PPP1R14C: variants seen among roughly 807,000 people sequenced by gnomAD.
The protein encoded by PPP1R14C is protein phosphatase 1 regulatory inhibitor subunit 14C.
A neutral mutation model predicts 20.4 loss-of-function variants in PPP1R14C; 16 were observed. The ratio of observed to expected loss-of-function variants is 0.78; its 90% CI spans 0.53 to 1.19. The LOEUF is 1.19. Among genes scored for constraint, PPP1R14C ranks in the 50% most tolerant of loss-of-function variants. PPP1R14C has a pLI of 0.00. For synonymous variants in PPP1R14C, 91 were observed against 91.0 expected (o/e 1.00, Z 0.00); for missense variants, 211 against 220.1 (o/e 0.96, Z 0.26).
At chr6:150,244,863 G>T (rs1417675107) in intron 3 of PPP1R14C, among the ~76,000 whole-genome samples, 1 of 151,852 alleles carries the variant, frequency 6.6e-6, no homozygotes. Flanking sequence ...TATCTCCAGG[G>T]CTCACACATA....
At chr6:150,196,829 C>T (rs949893860) in intron 1 of PPP1R14C, among the ~76,000 whole-genome samples, 1 of 152,112 alleles carries the variant, frequency 6.6e-6, no homozygotes, top group Non-Finnish European at 1.5e-5. Flanking sequence ...ACTTCATGGC[C>T]GAGTCAGAAT....
In PPP1R14C at chr6:150,249,798, G is replaced by A. The variant is rs1778542396; in HGVS notation, c.*978G>A. The A allele has an allele frequency of 2.8e-6, 1 of 362,586 alleles. No individual in the cohort carries two copies. Among genetic ancestry groups the A allele is most frequent in the South Asian group, 1.5e-4 (1 of 6,748 alleles). 22.5% of individuals were successfully genotyped at this position (362,586 alleles called of 1,614,324 possible). ...ATAGGTTCTGGTAGCTTCTGTGCCT[G>A]GGTAGTATCAGACCAGTGGGAGTAA... On this transcript the variant is annotated 3_prime_UTR_variant, in exon 4 of 4. Transcript: ENST00000361131.
intron 2 of PPP1R14C, among the ~76,000 whole-genome samples, chr6:150,216,559 CA>C (rs34550270): frequency 0.017 from 2,388 of 142,710 alleles, 58 homozygotes; most frequent in African/African-American, 0.053. Flanking sequence ...GCTATGGTAG[CA>C]AAAAAAAAAA....
intron 3 of PPP1R14C, 37 bp from the exon 4 acceptor site, chr6:150,248,709 A>G (rs781683532): frequency 2.8e-5 from 38 of 1,350,142 alleles, no homozygotes; most frequent in Non-Finnish European, 3.9e-5. Flanking sequence ...GAATTTTAAT[A>G]GTGACCCTCA....
At chr6:150,168,057 C>T (rs143124756) in intron 1 of PPP1R14C, among the ~76,000 whole-genome samples, 1 of 99,250 alleles carries the variant, frequency 1.0e-5, no homozygotes, top group African/African-American at 4.4e-5. Flanking sequence ...TCCTCTCCCC[C>T]ACTCCCCTCC....
intron 1 of PPP1R14C, among the ~76,000 whole-genome samples, chr6:150,148,853 C>T (rs1162574386): frequency 1.3e-5 from 2 of 152,102 alleles, no homozygotes; most frequent in East Asian, 3.9e-4. Flanking sequence ...CGCTTGAGGC[C>T]AGGAGTTGGA....
At chr6:150,158,263 A>G (rs1486078758) in intron 1 of PPP1R14C, among the ~76,000 whole-genome samples, 1 of 152,172 alleles carries the variant, frequency 6.6e-6, no homozygotes, top group Non-Finnish European at 1.5e-5. Context: ...TATTCAAATT[A>G]AAGGTTGTTC....
Position 150,213,346 on chromosome 6 carries a change from AACACAC to A in PPP1R14C, c.307-1368_307-1363del, listed in dbSNP as rs3049230. ...ACTGGGGTCCTCACTTTTGTGTTGT[AACACAC>A]ACACACACACACACACACACACACA... On this transcript the variant is annotated intron_variant, in intron 1 of 3. Coordinates refer to ENST00000361131, the MANE Select transcript of PPP1R14C (RefSeq NM_030949.3). 9.8e-3 allele frequency among the ~76,000 whole-genome samples: 1,456 copies of A among 149,244 alleles called. 14 individuals are homozygous for A. The highest frequency in any genetic ancestry group is 0.027 in the African/African-American group (1,104 of 40,748).
intron 3 of PPP1R14C, among the ~76,000 whole-genome samples, chr6:150,217,321 G>C (rs770887221): frequency 6.6e-5 from 10 of 151,436 alleles, no homozygotes; most frequent in Non-Finnish European, 1.2e-4. Flanking sequence ...TCAGCCTCCT[G>C]AGTAGCTGGG....
At chr6:150,149,794 A>G (rs893267357) in intron 1 of PPP1R14C, among the ~76,000 whole-genome samples, 1 of 152,204 alleles carries the variant, frequency 6.6e-6, no homozygotes, top group African/African-American at 2.4e-5. Flanking sequence ...AGGTATTCAC[A>G]TCTATTTGGT....
At chr6:150,145,501 T>C (rs1777171526) in intron 1 of PPP1R14C, among the ~76,000 whole-genome samples, 1 of 152,230 alleles carries the variant, frequency 6.6e-6, no homozygotes, top group South Asian at 2.1e-4. Flanking sequence ...ATGCTGGTGG[T>C]GTACCTCCAT....
At chr6:150,220,369 G>A (rs548367045) in intron 3 of PPP1R14C, among the ~76,000 whole-genome samples, 2 of 152,232 alleles carry the variant, frequency 1.3e-5, no homozygotes, top group African/African-American at 2.4e-5. Flanking sequence ...GAAGCAGAGA[G>A]GAGAAGGCAG....
At chr6:150,156,102 C>A (rs1333710292) in intron 1 of PPP1R14C, among the ~76,000 whole-genome samples, 1 of 150,986 alleles carries the variant, frequency 6.6e-6, no homozygotes, top group Non-Finnish European at 1.5e-5. Context: ...AAGTAGACAC[C>A]CCAGTGAGTG....
chr6:150,144,436 A>G (rs1475268738), intron 1 of PPP1R14C, among the ~76,000 whole-genome samples: 6 of 152,268 alleles, frequency 3.9e-5, no homozygotes, highest in African/African-American at 1.4e-4. Context: ...AGCATCTTGA[A>G]TAACAGTTAT....
chr6:150,171,174 TG>T (rs1777495057), intron 1 of PPP1R14C, among the ~76,000 whole-genome samples: 1 of 152,152 alleles, frequency 6.6e-6, no homozygotes, highest in Non-Finnish European at 1.5e-5. Flanking sequence ...TTTGGACAAA[TG>T]TTTAATGACA....
chr6:150,186,062 C>A (rs557040001), intron 1 of PPP1R14C, among the ~76,000 whole-genome samples: 20 of 152,302 alleles, frequency 1.3e-4, no homozygotes, highest in Admixed American at 5.2e-4. Flanking sequence ...ATATTCGTGC[C>A]TGGTCTTTGA....
intron 3 of PPP1R14C, among the ~76,000 whole-genome samples, chr6:150,222,871 A>G (rs1778187098): frequency 7.3e-6 from 1 of 136,320 alleles, no homozygotes; most frequent in Non-Finnish European, 1.5e-5. Flanking sequence ...TTCCAGGTTC[A>G]AGTGATTCTC....
chr6:150,203,806 T>C (rs1777908667), intron 1 of PPP1R14C, among the ~76,000 whole-genome samples: 1 of 152,178 alleles, frequency 6.6e-6, no homozygotes, highest in Admixed American at 6.5e-5. Flanking sequence ...CCACTGCAAA[T>C]CTGGATGTGG....
intron 1 of PPP1R14C, among the ~76,000 whole-genome samples, chr6:150,213,934 A>G (rs927495278): frequency 6.6e-6 from 1 of 152,204 alleles, no homozygotes; most frequent in Non-Finnish European, 1.5e-5. Context: ...TGGTGACTTT[A>G]TCTAGAACCC....
Sources: gnomAD v4.1 joint callset for allele counts (sites outside exome capture counted in the v4.1 genomes callset) on GRCh38, gnomAD v4.1.1 for gene constraint, MANE v1.5 for transcripts, NCBI Gene and HGNC (gene_info 2026-07-23, HGNC 2026-07-21) for gene names.